Variants in ZBTB4 observed in about 807,000 individuals in gnomAD.
ZBTB4 encodes the protein zinc finger and BTB domain-containing protein 4.
In ZBTB4, 14 loss-of-function variants were observed where a neutral mutation model predicts 59.8. That is an observed-to-expected ratio of 0.23 (90% CI 0.15 to 0.37). ZBTB4 has a LOEUF of 0.37. ZBTB4 is among the 10% of genes least tolerant of loss of function. The pLI is 1.00. For synonymous variants in ZBTB4, 587 were observed against 575.2 expected, an observed-to-expected ratio of 1.02 and a Z score of -0.29; for missense variants, 1,198 against 1,380.8, an observed-to-expected ratio of 0.87 and a Z score of 2.10.
chr17:7,477,341 C>G (rs1014296647), intron 1 of ZBTB4, among the ~76,000 whole-genome samples: 2 of 152,196 alleles, frequency 1.3e-5, no homozygotes, highest in Non-Finnish European at 2.9e-5. Flanking sequence ...AGATCAAGTG[C>G]CAGTGAGGGA....
intron 3 of ZBTB4, among the ~76,000 whole-genome samples, chr17:7,464,680 A>G (rs1243921731): frequency 1.3e-5 from 2 of 151,892 alleles, no homozygotes; most frequent in Non-Finnish European, 2.9e-5. Flanking sequence ...TCTACTAAAA[A>G]TACAAAAATT....
upstream of ZBTB4, among the ~76,000 whole-genome samples, chr17:7,479,851 G>A (rs2070321632): frequency 6.6e-6 from 1 of 151,882 alleles, no homozygotes; most frequent in Non-Finnish European, 1.5e-5. Context: ...CGCGGGCCGG[G>A]CTGCAGCATC....
chr17:7,463,726 G>A lies in ZBTB4; in HGVS notation c.1256C>T (p.Pro419Leu). The stretch of plus-strand genomic sequence containing the variant: ...GTAGGGCCGCTTGGCTGCCCGCATG[G>A]GGAGCAGGCGGTAGAGCTTGAGTGT... ...LNTLKLYRLLPMRAAKRPYKT... is the reference protein window; with the variant it reads ...LNTLKLYRLLLMRAAKRPYKT... Residue 419 changes from proline to leucine, a missense_variant, in exon 4 of 4, where the codon CCC becomes CTC. Pro to Leu is a moderately conservative substitution (Grantham distance 98, BLOSUM62 -3). This residue lies in a region of ZBTB4 where 60 missense variants were observed against 93.0 expected (regional missense o/e 0.64). Transcript: ENST00000380599. 1 of 1,614,024 alleles carries A rather than the reference G, an allele frequency of 6.2e-7. No individual in the cohort carries two copies. Among genetic ancestry groups the A allele is most frequent in the Non-Finnish European group, 8.5e-7 (1 of 1,180,016 alleles).
chr17:7,462,095 A>G lies in ZBTB4; in HGVS notation c.2887T>C (p.Phe963Leu), dbSNP rs775266631. 4.4e-6 allele frequency: 7 copies of G among 1,605,570 alleles called. No homozygotes were observed. Among genetic ancestry groups the G allele is most frequent in the Non-Finnish European group, 6.0e-6 (7 of 1,175,154 alleles). ...GCGTAGCCAAAGACCCCTGGTAGGA[A>G]GGGAAGGGCCCCCGCACCCTTCTCA... The part of the protein sequence containing the change: ...PDEKGAGALP[F>L]LPGVFGYAVN... Residue 963 changes from phenylalanine to leucine, a missense_variant, in exon 4 of 4, where the codon TTC becomes CTC. Around this residue, in one of 9 missense-constraint regions of ZBTB4, gnomAD observed 211 missense variants for 236.1 expected, o/e 0.89. Transcript: ENST00000380599. This position sits in a 1 kb window ranked among gnomAD's most constrained non-coding sequence, Gnocchi z 7.5.
At position 7,462,710 on chromosome 17, in the gene ZBTB4, C is replaced by T. The variant is rs375607129; in HGVS notation, c.2272G>A (p.Gly758Arg). 264 of 1,604,222 alleles carry T rather than the reference C, an allele frequency of 1.6e-4. 1 individual carries two copies. The highest frequency in any genetic ancestry group is 1.9e-4 in the Non-Finnish European group (227 of 1,179,714). Residue 758 changes from glycine (G) to arginine (R), a missense_variant, in exon 4 of 4, where the codon GGA (glycine) becomes AGA (arginine). Around this residue, in one of 9 missense-constraint regions of ZBTB4, gnomAD observed 550 missense variants for 541.8 expected, o/e 1.02. Transcript: ENST00000380599. This position sits in a 1 kb window ranked among gnomAD's most constrained non-coding sequence, Gnocchi z 7.5. ...HGGGSHSSRA[G>R]RRPSTRFTCP... ...GTAAAGCGGGTGGAGGGCCTCCGTC[C>T]GGCCCGGGAGCTGTGGGAGCCCCCA...
At chr17:7,480,875 C>T (rs1283737355), upstream of ZBTB4, among the ~76,000 whole-genome samples, 3 of 152,096 alleles carry the variant, frequency 2.0e-5, no homozygotes, top group Non-Finnish European at 4.4e-5. Flanking sequence ...CAGAGTTGGG[C>T]TGGGCACGGT....
chr17:7,483,123 A>C, upstream of ZBTB4: 1 of 1,497,932 alleles, frequency 6.7e-7, no homozygotes. Context: ...TACCTCTCAG[A>C]GTCAAGGGTG....
At position 7,462,997 on chromosome 17, in the gene ZBTB4, T is replaced by C; in HGVS notation, c.1985A>G (p.Gln662Arg). The C allele has an allele frequency of 6.2e-7, 1 of 1,610,346 alleles. No homozygotes were observed. The highest frequency in any genetic ancestry group is 8.5e-7 in the Non-Finnish European group (1 of 1,179,040). The change falls in exon 4 of 4, where the codon CAG (glutamine) becomes CGG (arginine). Residue 662 changes from glutamine (Q) to arginine (R), a missense_variant. This residue lies in a region of ZBTB4 where 550 missense variants were observed against 541.8 expected (regional missense o/e 1.02). Coordinates refer to ENST00000380599, the MANE Select transcript of ZBTB4 (RefSeq NM_001128833.2). The surrounding 1 kb of genome is among the most constrained non-coding windows in gnomAD (Gnocchi z 7.5). ...EEESKAGGED[Q>R]LWRPYYSYKP... ...GTAGGAGTAGTAGGGCCTCCAGAGC[T>C]GGTCCTCCCCACCAGCCTTTGATTC...
At chr17:7,482,926 G>A, upstream of ZBTB4, 2 of 1,612,012 alleles carry the variant, frequency 1.2e-6, no homozygotes, top group Non-Finnish European at 1.7e-6. Context: ...TGGGGGCAGG[G>A]GTTGTGCTGG....
At chr17:7,481,900 G>A, upstream of ZBTB4, 1 of 1,503,420 alleles carries the variant, frequency 6.7e-7, no homozygotes, top group Non-Finnish European at 8.9e-7. Context: ...AGTCCCACAG[G>A]GTCCCAGACC....
In ZBTB4 at chr17:7,466,921, A is replaced by C; in HGVS notation, c.-9-111T>G. 7.0e-7 allele frequency: 1 copy of C among 1,427,554 alleles called. No individual in the cohort carries two copies. Among genetic ancestry groups the C allele is most frequent in the Non-Finnish European group, 9.2e-7 (1 of 1,092,246 alleles). The allele number at this position is 1,427,554 out of a possible 1,614,324, so 88.4% of individuals were successfully genotyped here. ...GGAGCTGCTGGTCAGAAACTAGTGG[A>C]AGGCTGAATCACTTCTGGTCACAGA... On this transcript the variant is annotated intron_variant, in intron 2 of 3. Coordinates refer to ENST00000380599, the MANE Select transcript of ZBTB4 (RefSeq NM_001128833.2). This position sits in a 1 kb window ranked among gnomAD's most constrained non-coding sequence, Gnocchi z 9.1.
At chr17:7,474,408 A>AG (rs2070241579) in intron 1 of ZBTB4, among the ~76,000 whole-genome samples, 2 of 151,684 alleles carry the variant, frequency 1.3e-5, no homozygotes, top group South Asian at 4.2e-4. Context: ...TAGTAGAGAT[A>AG]GGGCTTCACC....
At chr17:7,482,390 G>A (rs200159121), upstream of ZBTB4, 40 of 1,605,532 alleles carry the variant, frequency 2.5e-5, no homozygotes, top group Non-Finnish European at 3.4e-5. Flanking sequence ...TGTTCGCAAA[G>A]GTTCTTCCAC....
chr17:7,462,418 C>A lies in ZBTB4; in HGVS notation c.2564G>T (p.Gly855Val), dbSNP rs763397132. 6 of 1,613,948 alleles carry A rather than the reference C, an allele frequency of 3.7e-6. No homozygotes were observed. The highest frequency in any genetic ancestry group is 5.1e-6 in the Non-Finnish European group (6 of 1,179,996). ...ASLQDPIISG[G>V]EEPPVVASGG... Reference sequence around the variant, plus strand: ...GCTTGCCACTACTGGGGGCTCCTCACCCCCTGAAATGATAGGGTCCTGGAG... The same window carrying A: ...GCTTGCCACTACTGGGGGCTCCTCAACCCCTGAAATGATAGGGTCCTGGAG... Residue 855 changes from glycine (G) to valine (V), a missense_variant, in exon 4 of 4, where the codon GGT (glycine) becomes GTT (valine). Coordinates refer to ENST00000380599, the MANE Select transcript of ZBTB4 (RefSeq NM_001128833.2). This position sits in a 1 kb window ranked among gnomAD's most constrained non-coding sequence, Gnocchi z 7.5.
chr17:7,462,995 G>T lies in ZBTB4; in HGVS notation c.1987C>A (p.Leu663Ile). ...TTGTAGGAGTAGTAGGGCCTCCAGAGCTGGTCCTCCCCACCAGCCTTTGAT... is the reference window on the plus strand; with the variant it reads ...TTGTAGGAGTAGTAGGGCCTCCAGATCTGGTCCTCCCCACCAGCCTTTGAT... ...EESKAGGEDQLWRPYYSYKPK... is the reference protein window; with the variant it reads ...EESKAGGEDQIWRPYYSYKPK... The change falls in exon 4 of 4, where the codon CTC (leucine) becomes ATC (isoleucine). Residue 663 changes from leucine (L) to isoleucine (I), a missense_variant. This residue lies in a region of ZBTB4 where 550 missense variants were observed against 541.8 expected (regional missense o/e 1.02). Coordinates refer to ENST00000380599, the MANE Select transcript of ZBTB4 (RefSeq NM_001128833.2). The surrounding 1 kb of genome is among the most constrained non-coding windows in gnomAD (Gnocchi z 7.5). 1 of 1,609,998 alleles carries T rather than the reference G, an allele frequency of 6.2e-7. No homozygotes were observed.
At chr17:7,465,013 G>A (rs551218007) in intron 3 of ZBTB4, among the ~76,000 whole-genome samples, 5 of 151,142 alleles carry the variant, frequency 3.3e-5, no homozygotes, top group South Asian at 2.1e-4. Context: ...AAAATTAGCC[G>A]GGCGTGATGG....
chr17:7,462,718 G>C lies in ZBTB4; in HGVS notation c.2264C>G (p.Ser755Cys). The change falls in exon 4 of 4, where the codon TCC (serine) becomes TGC (cysteine). Residue 755 changes from serine to cysteine, a missense_variant. By Grantham distance (112) the Ser-to-Cys change is moderately radical. Coordinates refer to ENST00000380599, the MANE Select transcript of ZBTB4 (RefSeq NM_001128833.2). The surrounding 1 kb of genome is among the most constrained non-coding windows in gnomAD (Gnocchi z 7.5). ...GGTGGAGGGCCTCCGTCCGGCCCGG[G>C]AGCTGTGGGAGCCCCCACCGTGGGC... ...QEAHGGGSHS[S>C]RAGRRPSTRF... is the part of the protein sequence containing the mutation. 6.2e-7 allele frequency: 1 copy of C among 1,604,048 alleles called. No homozygotes were observed. The highest frequency in any genetic ancestry group is 8.5e-7 in the Non-Finnish European group (1 of 1,179,752).
At position 7,463,204 on chromosome 17, in the gene ZBTB4, G is replaced by C; in HGVS notation, c.1778C>G (p.Ser593Cys). The change falls in exon 4 of 4, where the codon TCT (serine) becomes TGT (cysteine). Residue 593 changes from serine (S) to cysteine (C), a missense_variant. By Grantham distance (112) the Ser-to-Cys change is moderately radical. Around this residue, in one of 9 missense-constraint regions of ZBTB4, gnomAD observed 550 missense variants for 541.8 expected, o/e 1.02. Transcript: ENST00000380599. ...GPPTGAGRGP[S>C]QLQAPPPLCQ... ...CAGTGGAGGTGGAGCCTGCAGCTGA[G>C]AGGGGCCCCGGCCAGCCCCTGTGGG... 2 of 1,608,850 alleles carry C rather than the reference G, an allele frequency of 1.2e-6. No individual in the cohort carries two copies. Among genetic ancestry groups the C allele is most frequent in the Non-Finnish European group, 8.5e-7 (1 of 1,179,132 alleles).
chr17:7,480,092 TGC>T (rs1445642461), upstream of ZBTB4, among the ~76,000 whole-genome samples: 5 of 151,858 alleles, frequency 3.3e-5, no homozygotes, highest in Non-Finnish European at 7.4e-5. Flanking sequence ...TCTCCAGGAA[TGC>T]GCAGGAAAGC....
Sources: allele counts gnomAD v4.1 joint callset (sites outside exome capture counted in the v4.1 genomes callset), GRCh38; gene constraint gnomAD v4.1.1; regional missense constraint gnomAD v4.1.1; non-coding constraint Gnocchi (gnomAD v3.1); transcripts MANE v1.5; gene names NCBI Gene and HGNC (gene_info 2026-07-23, HGNC 2026-07-21).